Variants in MACF1 observed in about 807,000 individuals in gnomAD.
The protein encoded by MACF1 is microtubule actin crosslinking factor 1.
A neutral mutation model predicts 854.8 loss-of-function variants in MACF1; 193 were observed. The observed-to-expected ratio is 0.23, with a 90% CI of 0.20 to 0.25. The LOEUF is 0.25. Ranked by LOEUF, MACF1 falls within the 10% of genes least tolerant of loss-of-function variation. The probability of loss-of-function intolerance (pLI) is 1.00; values close to 1 mark genes in which losing one functional copy is unlikely to be tolerated. For missense variants in MACF1, 7,722 were observed against 8,929.1 expected (o/e 0.86, Z 5.45); for synonymous variants, 3,185 against 3,226.7 (o/e 0.99, Z 0.44).
intron 99 of MACF1, 115 bp from the exon 100 acceptor site, chr1:39,484,486 T>C (rs1645069953): frequency 4.5e-6 from 4 of 895,036 alleles, no homozygotes; most frequent in East Asian, 2.5e-5. Flanking sequence ...TCCTGGACTT[T>C]TAATTTGCTT....
At chr1:39,370,640 T>C (rs1048999249) in intron 51 of MACF1, among the ~76,000 whole-genome samples, 3 of 152,226 alleles carry the variant, frequency 2.0e-5, no homozygotes, top group African/African-American at 7.2e-5. Context: ...AAGCCAAATA[T>C]GCCTCTGACT....
chr1:39,436,817 A>G (rs1380918346), intron 70 of MACF1, among the ~76,000 whole-genome samples: 4 of 152,204 alleles, frequency 2.6e-5, no homozygotes, highest in Non-Finnish European at 5.9e-5. Context: ...TCAAATTTTA[A>G]TGAGAACTTT....
At chr1:39,363,641 G>A (rs928584200) in intron 49 of MACF1, among the ~76,000 whole-genome samples, 1 of 141,118 alleles carries the variant, frequency 7.1e-6, no homozygotes, top group Non-Finnish European at 1.5e-5. Flanking sequence ...CTTACTCTGC[G>A]CTCTGTTGCC....
At chr1:39,223,689 G>A (rs1644680776) in intron 1 of MACF1, among the ~76,000 whole-genome samples, 1 of 151,868 alleles carries the variant, frequency 6.6e-6, no homozygotes, top group African/African-American at 2.4e-5. Flanking sequence ...GCTAATTTTT[G>A]TATTTTTAGT....
intron 2 of MACF1, among the ~76,000 whole-genome samples, chr1:39,171,411 A>G (rs1643946979): frequency 2.0e-5 from 3 of 152,288 alleles, no homozygotes; most frequent in South Asian, 4.2e-4. Context: ...TGGAAATCCC[A>G]TATCCATTAA....
At position 39,368,177 on chromosome 1, in the gene MACF1, G is replaced by A; in HGVS notation, c.12801G>A (p.Gln4267=). The change falls in exon 50 of 101, where the codon CAG becomes CAA. Residue 4267 remains glutamine, a synonymous_variant. Transcript: ENST00000564288. ...QELNLEMEDQ[Q]ENLDTLEHLV... ...TCAATTTGGAAATGGAAGACCAACA[G>A]GAGAACCTAGATACTCTTGAGCACC... The A allele has an allele frequency of 6.2e-7, 1 of 1,614,102 alleles. No homozygotes were observed. The highest frequency in any genetic ancestry group is 1.1e-5 in the South Asian group (1 of 91,074).
chr1:39,256,854 G>A (rs1000746507), intron 5 of MACF1, among the ~76,000 whole-genome samples: 7 of 148,772 alleles, frequency 4.7e-5, no homozygotes, highest in Non-Finnish European at 8.9e-5. Flanking sequence ...GGGAAGAGAG[G>A]CATCTCTCTT....
At chr1:39,380,521 G>A in intron 55 of MACF1, 148 bp downstream of exon 55, 1 of 805,306 alleles carries the variant, frequency 1.2e-6, no homozygotes, top group Non-Finnish European at 1.8e-6. Flanking sequence ...CAGAGCATGA[G>A]CCTGAATTGG....
intron 58 of MACF1, among the ~76,000 whole-genome samples, chr1:39,402,206 G>C (rs1557632426): frequency 6.6e-6 from 1 of 152,048 alleles, no homozygotes; most frequent in Non-Finnish European, 1.5e-5. Flanking sequence ...GTGAGACTGT[G>C]TCTCAAAAAA....
intron 22 of MACF1, 144 bp downstream of exon 22, chr1:39,300,506 T>TAA: frequency 5.8e-6 from 4 of 692,070 alleles, no homozygotes; most frequent in South Asian, 2.5e-5. Context: ...CTCCTATCAT[T>TAA]TAAAAAAAAA....
chr1:39,413,700 C>T, intron 58 of MACF1: 1 of 1,607,396 alleles, frequency 6.2e-7, no homozygotes, highest in Non-Finnish European at 8.5e-7. Context: ...AGCCTGCCTT[C>T]CCAGCTCCTG....
intron 43 of MACF1, 71 bp from the exon 44 acceptor site, chr1:39,352,936 C>T: frequency 9.5e-7 from 1 of 1,051,256 alleles, no homozygotes. Flanking sequence ...CCCTTTACCC[C>T]ATTACTTAAC....
intron 58 of MACF1, among the ~76,000 whole-genome samples, chr1:39,394,131 G>A (rs933970826): frequency 2.0e-5 from 3 of 152,148 alleles, no homozygotes; most frequent in Non-Finnish European, 4.4e-5. Context: ...TCCTAATTCA[G>A]GTTGAGCAGA....
At position 39,424,080 on chromosome 1, in the gene MACF1, CAGA is replaced by C; in HGVS notation, c.16205_16207del (p.Glu5402del). On this transcript the variant is annotated inframe_deletion, in exon 61 of 101. Transcript: ENST00000564288. Reference sequence around the variant, plus strand: ...AAGGCCACAGTAGACATGCTTCAAGCAGAAGGAGGCAGAATAGCCCAGTCAGCA... The same window carrying C: ...AAGGCCACAGTAGACATGCTTCAAGCAGGAGGCAGAATAGCCCAGTCAGCA... The C allele has an allele frequency of 6.2e-7, 1 of 1,611,670 alleles. No homozygotes were observed. The highest frequency in any genetic ancestry group is 8.5e-7 in the Non-Finnish European group (1 of 1,179,566).
In MACF1 at chr1:39,322,681, G is replaced by C; in HGVS notation, c.4103G>C (p.Arg1368Pro). The change falls in exon 32 of 101, where the codon CGC becomes CCC. Residue 1368 changes from arginine (R) to proline (P), a missense_variant. Arg to Pro is a moderately radical substitution (Grantham distance 103). Transcript: ENST00000564288. ...SQQKSPGKRR[R>P]MLSSSDAITQ... ...CAGAAATCCCCTGGCAAGCGCCGTC[G>C]CATGCTTTCCTCTTCAGATGCCATC... 1 of 1,614,072 alleles carries C rather than the reference G, an allele frequency of 6.2e-7. No homozygotes were observed. The highest frequency in any genetic ancestry group is 1.1e-5 in the South Asian group (1 of 91,076).
At chr1:39,315,770 G>A in intron 27 of MACF1, 79 bp downstream of exon 27, 1 of 1,351,358 alleles carries the variant, frequency 7.4e-7, no homozygotes, top group Non-Finnish European at 1.0e-6. Context: ...AGTATTTCAT[G>A]AATAATACAG....
At chr1:39,444,010 G>A (rs1298506553) in intron 79 of MACF1, among the ~76,000 whole-genome samples, 1 of 152,152 alleles carries the variant, frequency 6.6e-6, no homozygotes, top group Non-Finnish European at 1.5e-5. Context: ...ATAGATTATT[G>A]GAGTCTTTTG....
At chr1:39,339,749 C>G (rs763871150) in intron 38 of MACF1, among the ~76,000 whole-genome samples, 1 of 151,954 alleles carries the variant, frequency 6.6e-6, no homozygotes, top group African/African-American at 2.4e-5. Flanking sequence ...AGAACCAGTC[C>G]CCTAAAAACG....
chr1:39,252,929 C>T (rs1645058051), intron 4 of MACF1, among the ~76,000 whole-genome samples: 1 of 152,144 alleles, frequency 6.6e-6, no homozygotes, highest in African/African-American at 2.4e-5. Flanking sequence ...TGTTAGGGTA[C>T]TTTTTGCCCA....
Sources: gnomAD v4.1 joint callset for allele counts (sites outside exome capture counted in the v4.1 genomes callset) on GRCh38, gnomAD v4.1.1 for gene constraint, MANE v1.5 for transcripts, NCBI Gene and HGNC (gene_info 2026-07-23, HGNC 2026-07-21) for gene names.